Variants in GRIA1 observed in about 807,000 individuals in gnomAD.
The protein encoded by GRIA1 is glutamate ionotropic receptor AMPA type subunit 1.
GRIA1 carries 31 observed loss-of-function variants against 99.2 expected under a neutral mutation model. That is an observed-to-expected ratio of 0.31 (90% CI 0.23 to 0.42). GRIA1 has a LOEUF of 0.42. Ranked by LOEUF, GRIA1 falls within the 10% of genes least tolerant of loss-of-function variation. The pLI is 1.00. For synonymous variants in GRIA1, 438 were observed against 432.4 expected, an observed-to-expected ratio of 1.01 and a Z score of -0.16; for missense variants, 782 against 1,157.5, an observed-to-expected ratio of 0.68 and a Z score of 4.71.
chr5:153,600,927 C>T (rs190614313), intron 2 of GRIA1, among the ~76,000 whole-genome samples: 82 of 152,252 alleles, frequency 5.4e-4, no homozygotes, highest in African/African-American at 1.6e-3. Flanking sequence ...ATCCTAGCCT[C>T]GGGGCACTTC....
At chr5:153,499,847 G>T (rs1332074624) in intron 2 of GRIA1, among the ~76,000 whole-genome samples, 1 of 151,980 alleles carries the variant, frequency 6.6e-6, no homozygotes, top group Admixed American at 6.6e-5. Flanking sequence ...GTGGGAGGAG[G>T]GTATTTTGAG....
chr5:153,499,075 G>A (rs907231852), intron 2 of GRIA1, among the ~76,000 whole-genome samples: 2 of 152,182 alleles, frequency 1.3e-5, no homozygotes, highest in Admixed American at 6.5e-5. Context: ...GTAATGAAGA[G>A]AATGGTGGCT....
intron 10 of GRIA1, among the ~76,000 whole-genome samples, chr5:153,701,058 A>T (rs1316157796): frequency 6.6e-6 from 1 of 152,204 alleles, no homozygotes; most frequent in East Asian, 1.9e-4. Flanking sequence ...CAAGCTCTTA[A>T]GGTCATCCCC....
chr5:153,770,089 C>T (rs1251351746), intron 12 of GRIA1, 79 bp from the exon 13 acceptor site: 2 of 1,405,186 alleles, frequency 1.4e-6, no homozygotes, highest in Non-Finnish European at 2.0e-6. Flanking sequence ...GATCAAGCTA[C>T]ACTCAGCTCT....
At chr5:153,733,146 C>T (rs906149064) in intron 11 of GRIA1, among the ~76,000 whole-genome samples, 1 of 150,896 alleles carries the variant, frequency 6.6e-6, no homozygotes, top group African/African-American at 2.4e-5. Context: ...GTTGTAGATC[C>T]ATTTATCAAT....
intron 3 of GRIA1, among the ~76,000 whole-genome samples, chr5:153,647,498 T>G (rs1754239438): frequency 6.6e-6 from 1 of 152,170 alleles, no homozygotes; most frequent in South Asian, 2.1e-4. Context: ...TCCAGCTGTT[T>G]GACTTTGGAC....
At chr5:153,535,245 T>C (rs757662362) in intron 2 of GRIA1, among the ~76,000 whole-genome samples, 6 of 152,196 alleles carry the variant, frequency 3.9e-5, no homozygotes, top group Non-Finnish European at 8.8e-5. Context: ...TTTTAATGGG[T>C]TGTTAGGATA....
intron 2 of GRIA1, among the ~76,000 whole-genome samples, chr5:153,533,398 G>A (rs1375586142): frequency 6.6e-6 from 1 of 151,972 alleles, no homozygotes; most frequent in African/African-American, 2.4e-5. Flanking sequence ...GGGACTGAGG[G>A]AGGACAAATC....
rs116786084 is a variant in GRIA1, at chr5:153,566,627, G to A, written c.220+72562G>A. Among the ~76,000 whole-genome samples the A allele has an allele frequency of 3.0e-3, 444 of 148,728 alleles. 2 individuals carry two copies. The highest frequency in any genetic ancestry group is 0.01 in the African/African-American group (417 of 40,638). On this transcript the variant is annotated intron_variant, in intron 2 of 15. Coordinates refer to ENST00000285900, the MANE Select transcript of GRIA1 (RefSeq NM_000827.4). Reference sequence around the variant, plus strand: ...AGCCTCTTGTCCATTTTTTAATTTGGTTGTTTGTCTTATATTATTGAATTG... The same window carrying A: ...AGCCTCTTGTCCATTTTTTAATTTGATTGTTTGTCTTATATTATTGAATTG...
chr5:153,702,733 C>A (rs1331863756), intron 10 of GRIA1, among the ~76,000 whole-genome samples: 3 of 152,158 alleles, frequency 2.0e-5, no homozygotes, highest in African/African-American at 7.2e-5. Context: ...TCTTTAAAAG[C>A]CCTCCTGGTG....
At chr5:153,681,560 A>C (rs1355587306) in intron 7 of GRIA1, among the ~76,000 whole-genome samples, 1 of 152,144 alleles carries the variant, frequency 6.6e-6, no homozygotes, top group Admixed American at 6.5e-5. Flanking sequence ...TTGGCCTGTT[A>C]AGGAATTAGG....
At chr5:153,709,383 A>G (rs747389716) in intron 11 of GRIA1, among the ~76,000 whole-genome samples, 39 of 152,246 alleles carry the variant, frequency 2.6e-4, no homozygotes, top group Non-Finnish European at 4.7e-4. Flanking sequence ...TGAATTGCAT[A>G]TATCTGCACT....
intron 13 of GRIA1, among the ~76,000 whole-genome samples, chr5:153,775,118 C>T (rs1277432038): frequency 6.6e-6 from 1 of 152,200 alleles, no homozygotes; most frequent in South Asian, 2.1e-4. Flanking sequence ...TCTATTGGCC[C>T]TTTTGGTGCC....
intron 2 of GRIA1, among the ~76,000 whole-genome samples, chr5:153,640,053 A>G (rs1753677968): frequency 6.6e-6 from 1 of 152,228 alleles, no homozygotes. Context: ...GATTTTTATA[A>G]GGGAAGCTCC....
At chr5:153,611,975 G>A (rs958835023) in intron 2 of GRIA1, among the ~76,000 whole-genome samples, 9 of 152,160 alleles carry the variant, frequency 5.9e-5, no homozygotes, top group East Asian at 1.9e-4. Context: ...TTAATTTATC[G>A]TGTGACCTTG....
rs58166158 is a variant in GRIA1 at position 153,745,589 on chromosome 5, CAAAAA to C, written c.1824-18826_1824-18822del. ...GGGCAACAAAAGCAAAACTCTGTCT[CAAAAA>C]AAAAAAAAAAAAAAAAAAGAAAAGA... On this transcript the variant is annotated intron_variant, in intron 11 of 15. Coordinates refer to ENST00000285900, the MANE Select transcript of GRIA1 (RefSeq NM_000827.4). Among the ~76,000 whole-genome samples the C allele has an allele frequency of 4.6e-3, 463 of 100,862 alleles. 4 individuals are homozygous for C. Among genetic ancestry groups the C allele is most frequent in the East Asian group, 0.045 (163 of 3,624 alleles). The allele number at this position is 100,862 out of a possible 152,430, so 66.2% of individuals were successfully genotyped here. A position where few individuals can be genotyped will look rare whatever the true frequency, so the allele number is the denominator to read the frequency against.
chr5:153,494,003 C>T lies in GRIA1; in HGVS notation c.158C>T (p.Pro53Leu). The T allele has an allele frequency of 1.6e-5, 26 of 1,614,024 alleles. No homozygotes were observed. The highest frequency in any genetic ancestry group is 2.2e-5 in the Non-Finnish European group (26 of 1,179,932). Residue 53 changes from proline to leucine, a missense_variant, in exon 2 of 16, where the codon CCG becomes CTG. This residue lies in a region of GRIA1 where 461 missense variants were observed against 521.7 expected (regional missense o/e 0.88). Coordinates refer to ENST00000285900, the MANE Select transcript of GRIA1 (RefSeq NM_000827.4). The stretch of plus-strand genomic sequence containing the variant: ...GCTTTGTCGCAACTCACAGAGCCCC[C>T]GAAGCTGCTCCCCCAGATTGATATT... ...RFALSQLTEPPKLLPQIDIVN... is the reference protein window; with the variant it reads ...RFALSQLTEPLKLLPQIDIVN...
intron 2 of GRIA1, among the ~76,000 whole-genome samples, chr5:153,546,093 G>A (rs2113516803): frequency 6.6e-6 from 1 of 152,296 alleles, no homozygotes; most frequent in East Asian, 1.9e-4. Context: ...AAACATCTTA[G>A]GTACTTAACT....
At chr5:153,699,336 A>G (rs911516585) in intron 10 of GRIA1, among the ~76,000 whole-genome samples, 3 of 152,208 alleles carry the variant, frequency 2.0e-5, no homozygotes, top group Non-Finnish European at 4.4e-5. Flanking sequence ...CATAGCTCCA[A>G]GATCAATTTT....
Sources: gnomAD v4.1 joint callset for allele counts (sites outside exome capture counted in the v4.1 genomes callset) on GRCh38, gnomAD v4.1.1 for gene constraint, gnomAD v4.1.1 regional missense constraint, MANE v1.5 for transcripts, NCBI Gene and HGNC (gene_info 2026-07-23, HGNC 2026-07-21) for gene names.